Variants in TDRD3 observed in about 807,000 individuals in gnomAD.
TDRD3 encodes the protein tudor domain-containing protein 3.
In TDRD3, 45 loss-of-function variants were observed where a neutral mutation model predicts 86.7. The ratio of observed to expected loss-of-function variants is 0.52; its 90% CI spans 0.41 to 0.67. TDRD3 has a LOEUF of 0.67. Among genes scored for constraint, TDRD3 ranks in the 30% least tolerant of loss-of-function variants. The pLI is 0.00. For missense variants in TDRD3, 814 were observed against 889.0 expected (o/e 0.92, Z 1.07); for synonymous variants, 298 against 301.7 (o/e 0.99, Z 0.13).
rs186087399 is a variant in TDRD3, at chr13:60,422,688, A to G, written c.42-17000A>G. On this transcript the variant is annotated intron_variant, in intron 1 of 13. Transcript: ENST00000377881. ...GAATATATTACAAGATACCCAAGGG[A>G]AAATGGACTAGAATGAAAAATTGAT... is the stretch of plus-strand genomic sequence containing the variant. Among the ~76,000 whole-genome samples, 398 of 152,264 alleles carry G rather than the reference A, an allele frequency of 2.6e-3. 2 individuals carry two copies. Among genetic ancestry groups the G allele is most frequent in the South Asian group, 8.9e-3 (43 of 4,830 alleles).
chr13:60,516,454 A>G (rs892796872), intron 10 of TDRD3, among the ~76,000 whole-genome samples: 1 of 152,182 alleles, frequency 6.6e-6, no homozygotes, highest in African/African-American at 2.4e-5. Flanking sequence ...TGACGTTTTT[A>G]TTAATATTCT....
intron 13 of TDRD3, among the ~76,000 whole-genome samples, chr13:60,571,125 G>A (rs986202313): frequency 6.6e-6 from 1 of 152,056 alleles, no homozygotes; most frequent in Admixed American, 6.6e-5. Flanking sequence ...GTGCCATGAG[G>A]TATCATTTTA....
chr13:60,534,962 A>G, intron 11 of TDRD3, 146 bp from the exon 12 acceptor site: 1 of 788,424 alleles, frequency 1.3e-6, no homozygotes, highest in South Asian at 2.2e-5. Flanking sequence ...TTGTCTTACT[A>G]ATGTGACTCA....
intron 8 of TDRD3, 165 bp from the exon 9 acceptor site, chr13:60,509,598 C>T (rs1957014256): frequency 1.2e-6 from 1 of 832,060 alleles, no homozygotes; most frequent in Admixed American, 2.3e-5. Context: ...CATACAGATT[C>T]TTCCTTGCCT....
At chr13:60,572,520 A>G (rs1165738211) in intron 13 of TDRD3, among the ~76,000 whole-genome samples, 1 of 152,190 alleles carries the variant, frequency 6.6e-6, no homozygotes, top group Non-Finnish European at 1.5e-5. Flanking sequence ...TGCTGTGAAA[A>G]GAGAGATGGC....
At position 60,573,733 on chromosome 13, in the gene TDRD3, A is replaced by G. The variant is rs1443557675; in HGVS notation, c.*127A>G. 4 of 887,330 alleles carry G rather than the reference A, an allele frequency of 4.5e-6. No homozygotes were observed. Among genetic ancestry groups the G allele is most frequent in the Non-Finnish European group, 5.4e-6 (4 of 740,608 alleles). 55.0% of individuals were successfully genotyped at this position (887,330 alleles called of 1,614,324 possible). ...GTGGATATTATTATTTGAAGAAAGA[A>G]AAAACAGATTTTAGGGTGGAAAAAA... On this transcript the variant is annotated 3_prime_UTR_variant, in exon 14 of 14. Coordinates refer to ENST00000377881, the MANE Select transcript of TDRD3 (RefSeq NM_001146070.2).
At chr13:60,458,486 G>C (rs553654066) in intron 3 of TDRD3, among the ~76,000 whole-genome samples, 1 of 152,280 alleles carries the variant, frequency 6.6e-6, no homozygotes, top group Admixed American at 6.5e-5. Context: ...GATTGAATAA[G>C]GGTGCCATGG....
chr13:60,472,479 A>G (rs1956093832), intron 5 of TDRD3, among the ~76,000 whole-genome samples: 1 of 152,160 alleles, frequency 6.6e-6, no homozygotes. Flanking sequence ...CTACTGTAAA[A>G]CAAACAAACA....
chr13:60,398,511 T>C (rs975186941), intron 1 of TDRD3, among the ~76,000 whole-genome samples: 1 of 152,204 alleles, frequency 6.6e-6, no homozygotes, highest in African/African-American at 2.4e-5. Flanking sequence ...TCGTGAAAGA[T>C]GTGGATTTGA....
chr13:60,454,114 A>G (rs1955609572), intron 3 of TDRD3, among the ~76,000 whole-genome samples: 1 of 151,458 alleles, frequency 6.6e-6, no homozygotes, highest in African/African-American at 2.4e-5. Context: ...TTCTTTCCCT[A>G]TTTTGATTAC....
intron 1 of TDRD3, among the ~76,000 whole-genome samples, chr13:60,434,928 G>A: frequency 6.6e-6 from 1 of 152,190 alleles, no homozygotes; most frequent in East Asian, 1.9e-4. Flanking sequence ...TAAGACTGGT[G>A]AATCCTGTGT....
At chr13:60,497,195 G>A (rs1035734933) in intron 8 of TDRD3, among the ~76,000 whole-genome samples, 8 of 152,270 alleles carry the variant, frequency 5.3e-5, no homozygotes, top group Middle Eastern at 3.4e-3. Context: ...GATGGCAAGC[G>A]AAAGCTCAGC....
intron 10 of TDRD3, among the ~76,000 whole-genome samples, chr13:60,515,630 T>C (rs1337933050): frequency 6.6e-6 from 1 of 152,208 alleles, no homozygotes; most frequent in Non-Finnish European, 1.5e-5. Flanking sequence ...TTGTGTTACT[T>C]TCTCTTGTTG....
At chr13:60,412,574 G>T (rs1373593530) in intron 1 of TDRD3, among the ~76,000 whole-genome samples, 1 of 151,956 alleles carries the variant, frequency 6.6e-6, no homozygotes, top group Non-Finnish European at 1.5e-5. Flanking sequence ...ATCAAGAAAT[G>T]GATGCTTTTT....
At chr13:60,427,214 A>G (rs1016404267) in intron 1 of TDRD3, among the ~76,000 whole-genome samples, 7 of 152,300 alleles carry the variant, frequency 4.6e-5, no homozygotes, top group African/African-American at 1.4e-4. Flanking sequence ...TATTTTCAGC[A>G]TCAGGTTCAT....
intron 8 of TDRD3, among the ~76,000 whole-genome samples, chr13:60,506,988 C>G (rs1436370396): frequency 6.6e-6 from 1 of 151,932 alleles, no homozygotes; most frequent in Non-Finnish European, 1.5e-5. Context: ...CACATAGGCT[C>G]AAAATATGGG....
At chr13:60,437,603 T>A (rs1022961086) in intron 1 of TDRD3, among the ~76,000 whole-genome samples, 12 of 150,680 alleles carry the variant, frequency 8.0e-5, no homozygotes, top group Admixed American at 7.9e-4. Flanking sequence ...TTAAATTAAT[T>A]TATTATAATA....
chr13:60,566,461 T>C (rs1958462171), intron 12 of TDRD3, among the ~76,000 whole-genome samples: 1 of 152,084 alleles, frequency 6.6e-6, no homozygotes, highest in Non-Finnish European at 1.5e-5. Context: ...TTTTCTATGT[T>C]ATTAATAAGG....
At chr13:60,567,456 T>C (rs1002091116) in intron 12 of TDRD3, 69 bp from the exon 13 acceptor site, 2 of 1,603,862 alleles carry the variant, frequency 1.2e-6, no homozygotes, top group African/African-American at 2.7e-5. Flanking sequence ...ATAGGGACCA[T>C]ACAATTTTTT....
Sources: allele counts gnomAD v4.1 joint callset (sites outside exome capture counted in the v4.1 genomes callset), GRCh38; gene constraint gnomAD v4.1.1; transcripts MANE v1.5; gene names NCBI Gene and HGNC (gene_info 2026-07-23, HGNC 2026-07-21).